Variants in PYGL observed in about 807,000 individuals in gnomAD.
The protein encoded by PYGL is glycogen phosphorylase L.
A neutral mutation model predicts 100.1 loss-of-function variants in PYGL; 90 were observed. That is an observed-to-expected ratio of 0.90 (90% CI 0.76 to 1.07). The LOEUF (loss-of-function observed/expected upper bound fraction) is 1.07. Ranked by LOEUF, PYGL falls within the 50% of genes least tolerant of loss-of-function variation. The pLI is 0.00. For synonymous variants in PYGL, 373 were observed against 393.0 expected (o/e 0.95, Z 0.60); for missense variants, 1,016 against 1,057.6 (o/e 0.96, Z 0.55).
chr14:50,937,963 C>T (rs2050670310), intron 1 of PYGL, 126 bp from the exon 2 acceptor site: 14 of 834,284 alleles, frequency 1.7e-5, no homozygotes, highest in Non-Finnish European at 2.8e-5. Flanking sequence ...ACCACAGGTT[C>T]GAATGAGACT....
At chr14:50,944,009 G>T in intron 1 of PYGL, 152 bp downstream of exon 1, 1 of 1,100,270 alleles carries the variant, frequency 9.1e-7, no homozygotes, top group Non-Finnish European at 1.3e-6. Context: ...CAGGCTGCCC[G>T]CCCACAGCCT....
chr14:50,927,274 G>C (rs1451598432), intron 4 of PYGL, among the ~76,000 whole-genome samples: 2 of 152,034 alleles, frequency 1.3e-5, no homozygotes, highest in Non-Finnish European at 2.9e-5. Context: ...GCCCAGGCTG[G>C]AGTCCAGTGG....
Position 50,905,454 on chromosome 14 carries a change from C to A in PYGL, c.2482G>T (p.Val828Leu), listed in dbSNP as rs372046135. The A allele has an allele frequency of 6.2e-7, 1 of 1,613,644 alleles. No individual in the cohort carries two copies. The highest frequency in any genetic ancestry group is 8.5e-7 in the Non-Finnish European group (1 of 1,179,672). Reference sequence around the variant, plus strand: ...GAAATCTTTAGATCTGAAGGTTCCACGTTCCAGATGTTTTGGGCATATTCT... The same window carrying A: ...GAAATCTTTAGATCTGAAGGTTCCAAGTTCCAGATGTTTTGGGCATATTCT... ...IKEYAQNIWNVEPSDLKISLS... is the reference protein window; with the variant it reads ...IKEYAQNIWNLEPSDLKISLS... Residue 828 changes from valine to leucine, a missense_variant, in exon 20 of 20, where the codon GTG (valine) becomes TTG (leucine). Transcript: ENST00000216392.
intron 19 of PYGL, 24 bp from the exon 20 acceptor site, chr14:50,905,580 A>T (rs1175031543): frequency 6.2e-7 from 1 of 1,612,548 alleles, no homozygotes; most frequent in Non-Finnish European, 8.5e-7. Flanking sequence ...ATGCATATAC[A>T]GCCCAGAGTC....
At chr14:50,939,085 G>T (rs1293872901) in intron 1 of PYGL, among the ~76,000 whole-genome samples, 1 of 152,156 alleles carries the variant, frequency 6.6e-6, no homozygotes, top group African/African-American at 2.4e-5. Flanking sequence ...CTGTCGGCCA[G>T]GCTGGAGTGC....
Position 50,908,299 on chromosome 14 carries a change from C to T in PYGL, c.2351G>A (p.Cys784Tyr). Reference sequence around the variant, plus strand: ...GTACAGCTGACTCACTTTATCTTGACACTTGACATAGGCTTCGTAGTCTGC... The same window carrying T: ...GTACAGCTGACTCACTTTATCTTGATACTTGACATAGGCTTCGTAGTCTGC... ...VFADYEAYVK[C>Y]QDKVSQLYMN... The change falls in exon 19 of 20, where the codon TGT (cysteine) becomes TAT (tyrosine). Residue 784 changes from cysteine to tyrosine, a missense_variant. Transcript: ENST00000216392. 4 of 1,605,094 alleles carry T rather than the reference C, an allele frequency of 2.5e-6. No homozygotes were observed. The highest frequency in any genetic ancestry group is 3.4e-6 in the Non-Finnish European group (4 of 1,171,840).
At chr14:50,908,718 G>C (rs1039133201) in intron 18 of PYGL, 103 bp downstream of exon 18, 2 of 1,477,582 alleles carry the variant, frequency 1.4e-6, no homozygotes, top group African/African-American at 1.4e-5. Flanking sequence ...GTTGGTTTAA[G>C]ATTGGTTTAA....
At position 50,931,714 on chromosome 14, in the gene PYGL, C is replaced by T; in HGVS notation, c.487G>A (p.Glu163Lys). 1 of 1,613,992 alleles carries T rather than the reference C, an allele frequency of 6.2e-7. No individual in the cohort carries two copies. The highest frequency in any genetic ancestry group is 8.5e-7 in the Non-Finnish European group (1 of 1,179,916). ...ATCTTCTGATTGAAAATCCCATATT[C>T]ATACCGAATGCCGTATCCATAGGCT... ...LAAYGYGIRY[E>K]YGIFNQKIRD... The change falls in exon 4 of 20, where the codon GAA (glutamate) becomes AAA (lysine). Residue 163 changes from glutamate (E) to lysine (K), a missense_variant. Glu to Lys is a moderately conservative substitution (Grantham distance 56). Transcript: ENST00000216392.
chr14:50,909,038 A>C, intron 17 of PYGL, 83 bp from the exon 18 acceptor site: 1 of 1,441,528 alleles, frequency 6.9e-7, no homozygotes, highest in East Asian at 2.3e-5. Context: ...CACTGCATTC[A>C]CTGTGAAAAA....
chr14:50,934,659 G>GTA (rs3837582), intron 3 of PYGL, among the ~76,000 whole-genome samples: 26 of 151,106 alleles, frequency 1.7e-4, no homozygotes, highest in African/African-American at 3.2e-4. Context: ...GTATGTGTGT[G>GTA]TATATATATA....
chr14:50,912,457 C>A (rs1248590681), intron 13 of PYGL, 154 bp from the exon 14 acceptor site: 5 of 893,288 alleles, frequency 5.6e-6, no homozygotes, highest in Non-Finnish European at 7.2e-6. Context: ...CTCCCACATT[C>A]AAGCGATTAT....
chr14:50,935,139 C>G lies in PYGL; in HGVS notation c.392G>C (p.Gly131Ala), dbSNP rs932051340. Reference sequence around the variant, plus strand: ...TCTCCCAAGACCACCATTGCCAAGTCCAGCATCTTCTTCAATTTCTTCTAA... The same window carrying G: ...TCTCCCAAGACCACCATTGCCAAGTGCAGCATCTTCTTCAATTTCTTCTAA... ...EELEEIEEDA[G>A]LGNGGLGRLA... Residue 131 changes from glycine to alanine, a missense_variant, in exon 3 of 20, where the codon GGA becomes GCA. Transcript: ENST00000216392. The G allele has an allele frequency of 1.2e-6, 2 of 1,613,014 alleles. No individual in the cohort carries two copies. The highest frequency in any genetic ancestry group is 1.7e-6 in the Non-Finnish European group (2 of 1,178,960).
At position 50,931,719 on chromosome 14, in the gene PYGL, C is replaced by T. The variant is rs147387589; in HGVS notation, c.482G>A (p.Arg161Gln). Residue 161 changes from arginine to glutamine, a missense_variant, in exon 4 of 20, where the codon CGG (arginine) becomes CAG (glutamine). By Grantham distance (43) the Arg-to-Gln change is conservative. Transcript: ENST00000216392. Reference sequence around the variant, plus strand: ...CTGATTGAAAATCCCATATTCATACCGAATGCCGTATCCATAGGCTGCAAG... The same window carrying T: ...CTGATTGAAAATCCCATATTCATACTGAATGCCGTATCCATAGGCTGCAAG... ...LGLAAYGYGI[R>Q]YEYGIFNQKI... 3.0e-5 allele frequency: 48 copies of T among 1,613,896 alleles called. No homozygotes were observed. The highest frequency in any genetic ancestry group is 3.0e-4 in the South Asian group (27 of 91,068).
chr14:50,944,269 G>A lies in PYGL; in HGVS notation c.135C>T (p.Asn45=), dbSNP rs539740389. ...AGTAGTAGTCGCGGGTGGTGGCCAC[G>A]TTGCGGTCCTTGACCAGCGTGAAGT... is the stretch of plus-strand genomic sequence containing the variant. ...HLHFTLVKDR[N]VATTRDYYFA... The change falls in exon 1 of 20, where the codon AAC becomes AAT. Residue 45 remains asparagine (N), a synonymous_variant. Coordinates refer to ENST00000216392, the MANE Select transcript of PYGL (RefSeq NM_002863.5). 7.4e-6 allele frequency: 12 copies of A among 1,613,952 alleles called. No homozygotes were observed. The South Asian group carries it at 1.3e-4, about 18-fold the overall frequency.
chr14:50,911,655 G>A, intron 16 of PYGL, 75 bp downstream of exon 16: 9 of 1,568,286 alleles, frequency 5.7e-6, no homozygotes, highest in Non-Finnish European at 7.0e-6. Context: ...CTGGAGGTTG[G>A]CTGCCCCATC....
At position 50,910,109 on chromosome 14, in the gene PYGL, G is replaced by C. The variant is rs773029579; in HGVS notation, c.1970-7C>G. 2.5e-6 allele frequency: 4 copies of C among 1,611,240 alleles called. No individual in the cohort carries two copies. In the Admixed American group the frequency reaches 6.7e-5, roughly 27 times the overall value. ...AGATCTGTGGCTGGAATGACTGCAA[G>C]AAAGGTAAGTTAAAATTAGTAATTT... is the stretch of plus-strand genomic sequence containing the variant. On this transcript the variant is annotated splice_region_variant and splice_polypyrimidine_tract_variant and intron_variant, in intron 16 of 19. Transcript: ENST00000216392.
intron 3 of PYGL, among the ~76,000 whole-genome samples, chr14:50,934,419 T>C (rs569203958): frequency 1.6e-4 from 25 of 152,094 alleles, no homozygotes; most frequent in Non-Finnish European, 3.4e-4. Flanking sequence ...TTGAGAAGCT[T>C]TGAACAAATA....
chr14:50,936,701 C>G (rs1430738086), intron 2 of PYGL, among the ~76,000 whole-genome samples: 1 of 151,816 alleles, frequency 6.6e-6, no homozygotes, highest in Admixed American at 6.6e-5. Context: ...CCCAGCTACT[C>G]AGGAGGCTGA....
At chr14:50,914,924 G>T in intron 11 of PYGL, 109 bp from the exon 12 acceptor site, 1 of 837,824 alleles carries the variant, frequency 1.2e-6, no homozygotes. Flanking sequence ...GGCTTAGAAA[G>T]GTTAAATAAA....
Sources: allele counts gnomAD v4.1 joint callset (sites outside exome capture counted in the v4.1 genomes callset), GRCh38; gene constraint gnomAD v4.1.1; transcripts MANE v1.5; gene names NCBI Gene and HGNC (gene_info 2026-07-23, HGNC 2026-07-21).